The following PKIB variants were observed in gnomAD, a reference collection of about 807,000 sequenced individuals.
PKIB encodes cAMP-dependent protein kinase inhibitor beta, also known as PKI-beta.
A neutral mutation model predicts 4.5 loss-of-function variants in PKIB; 2 were observed. The ratio of observed to expected loss-of-function variants is 0.44; its 90% CI spans 0.18 to 1.39. The LOEUF (loss-of-function observed/expected upper bound fraction) is 1.39. Among genes scored for constraint, PKIB ranks in the 40% most tolerant of loss-of-function variants. PKIB has a pLI of 0.27. For missense variants in PKIB, 94 were observed against 92.6 expected, an observed-to-expected ratio of 1.02 and a Z score of -0.06; for synonymous variants, 38 against 36.0, an observed-to-expected ratio of 1.06 and a Z score of -0.20.
intron 3 of PKIB, among the ~76,000 whole-genome samples, chr6:122,595,801 G>A (rs867874952): frequency 7.2e-5 from 11 of 152,132 alleles, no homozygotes; most frequent in Admixed American, 2.6e-4. Flanking sequence ...CACTTTGTTC[G>A]TGGGCCTATT....
chr6:122,555,188 G>C (rs1248257210), intron 2 of PKIB, among the ~76,000 whole-genome samples: 1 of 152,136 alleles, frequency 6.6e-6, no homozygotes, highest in African/African-American at 2.4e-5. Context: ...AAGAAAATCA[G>C]AAAATAAAGG....
intron 1 of PKIB, among the ~76,000 whole-genome samples, chr6:122,613,136 A>G (rs964169981): frequency 3.9e-5 from 6 of 152,194 alleles, no homozygotes; most frequent in Non-Finnish European, 8.8e-5. Flanking sequence ...ATTTTCATTA[A>G]TGTCAATTGA....
chr6:122,560,930 C>T (rs1440854743), intron 2 of PKIB, among the ~76,000 whole-genome samples: 1 of 152,002 alleles, frequency 6.6e-6, no homozygotes, highest in Non-Finnish European at 1.5e-5. Flanking sequence ...GATTTTCTCT[C>T]TCTTTTTCTT....
At chr6:122,709,330 G>A (rs1384398338) in intron 3 of PKIB, among the ~76,000 whole-genome samples, 2 of 152,116 alleles carry the variant, frequency 1.3e-5, no homozygotes, top group African/African-American at 4.8e-5. Flanking sequence ...CACTTTGAGA[G>A]TGTGTTAATG....
chr6:122,511,750 A>G (rs140368352), intron 2 of PKIB, among the ~76,000 whole-genome samples: 63 of 152,360 alleles, frequency 4.1e-4, no homozygotes, highest in African/African-American at 1.4e-3. Flanking sequence ...CGAAACAGTG[A>G]AAGGGAGGCA....
chr6:122,635,345 T>C (rs1019348573), intron 2 of PKIB, among the ~76,000 whole-genome samples: 34 of 152,138 alleles, frequency 2.2e-4, no homozygotes, highest in African/African-American at 4.8e-5. Flanking sequence ...CCTATGTCCT[T>C]GACCAGCTTG....
chr6:122,676,075 G>T (rs1292063056), intron 3 of PKIB, among the ~76,000 whole-genome samples: 2 of 151,842 alleles, frequency 1.3e-5, no homozygotes, highest in Non-Finnish European at 2.9e-5. Context: ...AATATATAAT[G>T]AAATAATTAT....
chr6:122,691,107 A>C (rs1463933135), intron 3 of PKIB, among the ~76,000 whole-genome samples: 1 of 151,832 alleles, frequency 6.6e-6, no homozygotes, highest in Non-Finnish European at 1.5e-5. Flanking sequence ...TACTGCTTTT[A>C]GGGTTCTTTC....
intron 4 of PKIB, among the ~76,000 whole-genome samples, chr6:122,718,809 G>A (rs1168341338): frequency 2.6e-5 from 4 of 152,064 alleles, no homozygotes; most frequent in Admixed American, 1.3e-4. Flanking sequence ...TGGTAAAGTT[G>A]CAAATGTTCC....
At chr6:122,596,676 G>A (rs1774188187) in intron 3 of PKIB, among the ~76,000 whole-genome samples, 1 of 152,168 alleles carries the variant, frequency 6.6e-6, no homozygotes, top group African/African-American at 2.4e-5. Context: ...GCAGAAGATG[G>A]CAGGGCCTTG....
rs1318460962 is a variant in PKIB, at chr6:122,563,527, A to G, written c.-247-22394A>G. On this transcript the variant is annotated intron_variant, in intron 2 of 6. Coordinates refer to the PKIB transcript ENST00000392491. ...TGGTGGGTGGGGCCCTAGATCTCCC[A>G]AGATTAATACCCTTTGTCTTCTGCT... is the stretch of plus-strand genomic sequence containing the variant. Among the ~76,000 whole-genome samples the G allele has an allele frequency of 3.3e-5, 5 of 152,056 alleles. No individual in the cohort carries two copies. The South Asian group carries it at 8.3e-4, about 25-fold the overall frequency.
At chr6:122,562,786 G>A (rs1012572292) in intron 2 of PKIB, among the ~76,000 whole-genome samples, 1 of 151,988 alleles carries the variant, frequency 6.6e-6, no homozygotes, top group African/African-American at 2.4e-5. Flanking sequence ...TTCTAAAAGT[G>A]TGTCCAAAGT....
chr6:122,575,323 C>A (rs185889965), intron 2 of PKIB, among the ~76,000 whole-genome samples: 100 of 152,048 alleles, frequency 6.6e-4, no homozygotes, highest in Middle Eastern at 6.8e-3. Context: ...TTAGTACAAC[C>A]ACGATGGAAA....
chr6:122,679,923 A>G (rs1777830150), intron 3 of PKIB, among the ~76,000 whole-genome samples: 1 of 152,238 alleles, frequency 6.6e-6, no homozygotes, highest in South Asian at 2.1e-4. Flanking sequence ...CTTAGATAAT[A>G]GGTAGAGGAG....
At position 122,717,940 on chromosome 6, in the gene PKIB, T is replaced by C. The variant is rs1208881391; in HGVS notation, c.146T>C (p.Leu49Pro). 6.2e-7 allele frequency: 1 copy of C among 1,613,626 alleles called. No individual in the cohort carries two copies. Among genetic ancestry groups the C allele is most frequent in the African/African-American group, 1.3e-5 (1 of 75,040 alleles). ...TDGTSDLPLK[L>P]EALSVKEDAK... ...GGAACCTCAGATTTGCCCCTCAAAC[T>C]GGAGGCTCTCTCCGTGAAGGAAGGT... The change falls in exon 4 of 5, where the codon CTG (leucine) becomes CCG (proline). Residue 49 changes from leucine (L) to proline (P), a missense_variant. Coordinates refer to ENST00000368452, the MANE Select transcript of PKIB (RefSeq NM_181795.3).
intron 2 of PKIB, among the ~76,000 whole-genome samples, chr6:122,537,590 A>T (rs901354202): frequency 3.9e-5 from 6 of 152,238 alleles, no homozygotes; most frequent in African/African-American, 1.4e-4. Flanking sequence ...GTTGGACATT[A>T]GGGTTGGTTC....
At chr6:122,648,233 G>A (rs527679943) in intron 2 of PKIB, among the ~76,000 whole-genome samples, 2 of 152,312 alleles carry the variant, frequency 1.3e-5, no homozygotes, top group East Asian at 3.9e-4. Flanking sequence ...CTCTCCACCA[G>A]CACAGCATAA....
chr6:122,603,240 TAATACGAATA>T (rs1774432282), intron 3 of PKIB, among the ~76,000 whole-genome samples: 1 of 152,150 alleles, frequency 6.6e-6, no homozygotes, highest in Non-Finnish European at 1.5e-5. Context: ...AAATAATATC[TAATACGAATA>T]ACATAAATGT....
chr6:122,623,873 G>T (rs1225277668), intron 1 of PKIB, among the ~76,000 whole-genome samples: 1 of 151,588 alleles, frequency 6.6e-6, no homozygotes, highest in East Asian at 1.9e-4. Context: ...TATTTCATTG[G>T]CAGGAGCAAT....
Sources: gnomAD v4.1 joint callset for allele counts (sites outside exome capture counted in the v4.1 genomes callset) on GRCh38, gnomAD v4.1.1 for gene constraint, MANE v1.5 for transcripts, NCBI Gene and HGNC (gene_info 2026-07-23, HGNC 2026-07-21) for gene names.